The following GNA14 variants were observed in gnomAD, a reference collection of about 807,000 sequenced individuals.
GNA14 encodes the protein guanine nucleotide-binding protein subunit alpha-14.
In GNA14, 50 loss-of-function variants were observed where a neutral mutation model predicts 42.0. That is an observed-to-expected ratio of 1.19 (90% CI 0.95 to 1.51). The LOEUF is 1.51. Among genes scored for constraint, GNA14 ranks in the 40% most tolerant of loss-of-function variants. GNA14 has a pLI of 0.00. For synonymous variants in GNA14, 173 were observed against 163.1 expected (o/e 1.06, Z -0.46); for missense variants, 473 against 446.2 (o/e 1.06, Z -0.54).
At chr9:77,457,974 G>A (rs527985812) in intron 2 of GNA14, among the ~76,000 whole-genome samples, 3 of 151,836 alleles carry the variant, frequency 2.0e-5, no homozygotes, top group Non-Finnish European at 4.4e-5. Context: ...AAACATCTGG[G>A]TCACAGCTTG....
chr9:77,647,265 A>G (rs1035970471), intron 1 of GNA14, among the ~76,000 whole-genome samples: 3 of 152,188 alleles, frequency 2.0e-5, no homozygotes, highest in African/African-American at 7.2e-5. Context: ...AAGATGCTTC[A>G]TCTAGAACTG....
In GNA14 at chr9:77,484,465, A is replaced by G. The variant is rs189521556; in HGVS notation, c.309+44604T>C. ...AAACGATTTCATCACAAATTGTTAT[A>G]TAACAATGTAAGGAATACAAGTGTG... On this transcript the variant is annotated intron_variant, in intron 2 of 6. Coordinates refer to ENST00000341700, the MANE Select transcript of GNA14 (RefSeq NM_004297.4). 5.9e-4 allele frequency among the ~76,000 whole-genome samples: 89 copies of G among 151,754 alleles called. 2 individuals carry two copies. The highest frequency in any genetic ancestry group is 1.9e-3 in the African/African-American group (78 of 41,476).
intron 1 of GNA14, among the ~76,000 whole-genome samples, chr9:77,614,795 T>C (rs1370381211): frequency 6.6e-6 from 1 of 152,162 alleles, no homozygotes; most frequent in African/African-American, 2.4e-5. Flanking sequence ...ATTAGCATTC[T>C]CTCTGCATCA....
chr9:77,502,570 G>A (rs961275698), intron 2 of GNA14, among the ~76,000 whole-genome samples: 4 of 152,116 alleles, frequency 2.6e-5, no homozygotes, highest in Non-Finnish European at 4.4e-5. Context: ...CTCCCCATGT[G>A]ATCTTTCCCT....
chr9:77,528,728 T>A (rs1176781935), intron 2 of GNA14, among the ~76,000 whole-genome samples: 1 of 152,182 alleles, frequency 6.6e-6, no homozygotes, highest in Admixed American at 6.5e-5. Flanking sequence ...GTAAACCCAA[T>A]GTCCCCATTG....
chr9:77,450,573 A>T (rs1835887450), intron 2 of GNA14, among the ~76,000 whole-genome samples: 1 of 151,990 alleles, frequency 6.6e-6, no homozygotes, highest in Admixed American at 6.6e-5. Context: ...GCAGCAAAAA[A>T]AATCTAAGTC....
At chr9:77,624,722 A>G (rs1823987557) in intron 1 of GNA14, among the ~76,000 whole-genome samples, 1 of 152,180 alleles carries the variant, frequency 6.6e-6, no homozygotes, top group African/African-American at 2.4e-5. Flanking sequence ...AAGGAATAGC[A>G]TGTCCACTCA....
chr9:77,598,359 C>T (rs1373222574), intron 1 of GNA14, among the ~76,000 whole-genome samples: 6 of 152,204 alleles, frequency 3.9e-5, no homozygotes, highest in Non-Finnish European at 8.8e-5. Context: ...CCAGGTCCAG[C>T]TCCAAATCCA....
intron 1 of GNA14, among the ~76,000 whole-genome samples, chr9:77,584,120 G>GGACT (rs1347380370): frequency 6.6e-6 from 1 of 152,114 alleles, no homozygotes; most frequent in Admixed American, 6.5e-5. Flanking sequence ...AGACAGCAGT[G>GGACT]GACTCACTTG....
At chr9:77,573,354 C>T (rs1445803656) in intron 1 of GNA14, among the ~76,000 whole-genome samples, 2 of 152,080 alleles carry the variant, frequency 1.3e-5, no homozygotes, top group African/African-American at 4.8e-5. Flanking sequence ...GAAGCTGAGG[C>T]AGGAGAATCG....
Position 77,631,360 on chromosome 9 carries a change from G to C in GNA14, c.124+16310C>G, listed in dbSNP as rs372391937. Among the ~76,000 whole-genome samples the C allele has an allele frequency of 1.5e-4, 23 of 150,780 alleles. No homozygotes were observed. The East Asian group carries it at 3.2e-3, about 21-fold the overall frequency. On this transcript the variant is annotated intron_variant, in intron 1 of 6. Coordinates refer to ENST00000341700, the MANE Select transcript of GNA14 (RefSeq NM_004297.4). The stretch of plus-strand genomic sequence containing the variant: ...AGCAGCAGCTAAGCTAAGAACTATA[G>C]TATTTAGCTGGGTATCCATGTGCCC...
chr9:77,494,606 T>C (rs1038167751), intron 2 of GNA14, among the ~76,000 whole-genome samples: 3 of 152,220 alleles, frequency 2.0e-5, no homozygotes, highest in East Asian at 1.9e-4. Context: ...CATTTTATAT[T>C]TAACATTTAG....
chr9:77,623,986 C>T (rs1454824946), intron 1 of GNA14, among the ~76,000 whole-genome samples: 4 of 152,184 alleles, frequency 2.6e-5, no homozygotes, highest in African/African-American at 7.2e-5. Flanking sequence ...AGGATCCCAC[C>T]CTCATGGGGC....
At chr9:77,639,127 T>C (rs1824221148) in intron 1 of GNA14, among the ~76,000 whole-genome samples, 1 of 152,190 alleles carries the variant, frequency 6.6e-6, no homozygotes, top group South Asian at 2.1e-4. Context: ...ACATTTTTGT[T>C]GTAGATCTTT....
intron 2 of GNA14, among the ~76,000 whole-genome samples, chr9:77,478,745 T>C (rs568854951): frequency 3.3e-5 from 5 of 152,324 alleles, no homozygotes; most frequent in Admixed American, 6.5e-5. Flanking sequence ...TGGTATCTCA[T>C]TGTGGTTTTG....
At chr9:77,575,436 G>T (rs953675439) in intron 1 of GNA14, among the ~76,000 whole-genome samples, 2 of 152,056 alleles carry the variant, frequency 1.3e-5, no homozygotes, top group East Asian at 3.9e-4. Context: ...AGAATGAAAG[G>T]TTCTTATTGA....
intron 2 of GNA14, among the ~76,000 whole-genome samples, chr9:77,504,449 C>G (rs577012029): frequency 9.2e-5 from 14 of 151,634 alleles, no homozygotes; most frequent in Non-Finnish European, 2.1e-4. Context: ...GAAGGAAAAG[C>G]TCCTAGAAGA....
chr9:77,613,618 G>T (rs1258711923), intron 1 of GNA14, among the ~76,000 whole-genome samples: 6 of 152,126 alleles, frequency 3.9e-5, no homozygotes, highest in Non-Finnish European at 5.9e-5. Context: ...GGTGATAATG[G>T]TTACACAGGT....
At chr9:77,581,806 T>C (rs1227435852) in intron 1 of GNA14, among the ~76,000 whole-genome samples, 1 of 152,154 alleles carries the variant, frequency 6.6e-6, no homozygotes, top group African/African-American at 2.4e-5. Context: ...TCATCTCTCA[T>C]CATCCAACTT....
Sources: gnomAD v4.1 joint callset for allele counts (sites outside exome capture counted in the v4.1 genomes callset) on GRCh38, gnomAD v4.1.1 for gene constraint, MANE v1.5 for transcripts, NCBI Gene and HGNC (gene_info 2026-07-23, HGNC 2026-07-21) for gene names.